Variants in LRRC4C observed in about 807,000 individuals in gnomAD.
LRRC4C encodes leucine rich repeat containing 4C.
LRRC4C carries 5 observed loss-of-function variants against 33.6 expected under a neutral mutation model. That is an observed-to-expected ratio of 0.15 (90% CI 0.08 to 0.31). LRRC4C has a LOEUF of 0.31. LRRC4C is among the 10% of genes least tolerant of loss of function. LRRC4C has a pLI of 1.00. For synonymous variants in LRRC4C, 329 were observed against 302.0 expected (o/e 1.09, Z -0.93); for missense variants, 560 against 796.7 (o/e 0.70, Z 3.58).
At chr11:40,320,321 C>G (rs776060085) in intron 3 of LRRC4C, among the ~76,000 whole-genome samples, 1 of 151,924 alleles carries the variant, frequency 6.6e-6, no homozygotes, top group East Asian at 1.9e-4. Flanking sequence ...CTGTCTAACA[C>G]GGTGAAACCC....
chr11:40,278,828 A>G (rs574456184), intron 4 of LRRC4C, among the ~76,000 whole-genome samples: 1 of 152,220 alleles, frequency 6.6e-6, no homozygotes, highest in African/African-American at 2.4e-5. Context: ...AATTCCTGTT[A>G]CCTCTCAATA....
intron 2 of LRRC4C, among the ~76,000 whole-genome samples, chr11:40,860,777 CTTTTTTTTTTTTTTTTTTTTTTT>C (rs60307580): frequency 3.0e-4 from 13 of 43,272 alleles, no homozygotes; most frequent in Non-Finnish European, 3.7e-4. Context: ...GGCTTAGGAT[CTTTTTTTTTTTTTTTTTTTTTTT>C]TTTTTTTTTT....
intron 1 of LRRC4C, among the ~76,000 whole-genome samples, chr11:41,260,032 A>G (rs570404294): frequency 6.6e-6 from 1 of 152,078 alleles, no homozygotes; most frequent in Admixed American, 6.6e-5. Flanking sequence ...CTACAGCTGT[A>G]TAACTTTGGA....
At chr11:41,278,262 A>T (rs541535647) in intron 1 of LRRC4C, among the ~76,000 whole-genome samples, 3 of 151,966 alleles carry the variant, frequency 2.0e-5, no homozygotes, top group African/African-American at 7.2e-5. Flanking sequence ...ATTCCACAAC[A>T]TGTATACAGT....
chr11:41,084,568 G>A (rs530103215), intron 1 of LRRC4C, among the ~76,000 whole-genome samples: 1 of 151,962 alleles, frequency 6.6e-6, no homozygotes, highest in Non-Finnish European at 1.5e-5. Flanking sequence ...TTAAAAATTG[G>A]CTGGGCACAG....
chr11:40,487,742 G>A (rs780220523), intron 3 of LRRC4C, among the ~76,000 whole-genome samples: 13 of 152,048 alleles, frequency 8.5e-5, no homozygotes. Context: ...TTATATAATC[G>A]TTAAACTGTA....
At position 40,310,707 on chromosome 11, in the gene LRRC4C, A is replaced by T. The variant is rs74357783; in HGVS notation, c.-176+8921T>A. Among the ~76,000 whole-genome samples, 481 of 152,308 alleles carry T rather than the reference A, an allele frequency of 3.2e-3. 1 individual carries two copies. The highest frequency in any genetic ancestry group is 5.9e-3 in the Non-Finnish European group (400 of 68,026). Reference sequence around the variant, plus strand: ...TCCATAAAGAATTCAGGGGTGACAGAAGTAATATGTTTTTTAAGTTTAAAA... The same window carrying T: ...TCCATAAAGAATTCAGGGGTGACAGTAGTAATATGTTTTTTAAGTTTAAAA... On this transcript the variant is annotated intron_variant, in intron 4 of 6. Transcript: ENST00000528697.
chr11:40,457,032 T>G (rs895812705), intron 3 of LRRC4C, among the ~76,000 whole-genome samples: 1 of 150,864 alleles, frequency 6.6e-6, no homozygotes, highest in Non-Finnish European at 1.5e-5. Context: ...CTCCTAAATC[T>G]AGTTAAAATG....
chr11:40,922,117 T>G (rs575934930), intron 2 of LRRC4C, among the ~76,000 whole-genome samples: 1 of 152,152 alleles, frequency 6.6e-6, no homozygotes, highest in Non-Finnish European at 1.5e-5. Flanking sequence ...GGTAGATATG[T>G]GTGATTCAGC....
intron 1 of LRRC4C, among the ~76,000 whole-genome samples, chr11:41,345,902 A>G (rs1273469311): frequency 6.6e-6 from 1 of 152,222 alleles, no homozygotes; most frequent in African/African-American, 2.4e-5. Context: ...TACATGTTTA[A>G]ATAAAAACAT....
At chr11:41,035,650 T>C (rs905651147) in intron 1 of LRRC4C, among the ~76,000 whole-genome samples, 4 of 152,062 alleles carry the variant, frequency 2.6e-5, no homozygotes, top group Non-Finnish European at 5.9e-5. Flanking sequence ...CTCACACACA[T>C]ATATAGACCA....
chr11:41,025,017 A>G (rs1466186376), intron 1 of LRRC4C, among the ~76,000 whole-genome samples: 1 of 151,582 alleles, frequency 6.6e-6, no homozygotes, highest in Admixed American at 6.6e-5. Flanking sequence ...AAGCCCTTAT[A>G]AGACAGCATA....
intron 3 of LRRC4C, among the ~76,000 whole-genome samples, chr11:40,502,431 C>T (rs944280502): frequency 4.6e-5 from 7 of 152,092 alleles, no homozygotes; most frequent in Admixed American, 3.9e-4. Flanking sequence ...TTAAAAGAGT[C>T]ACAGTTCCAT....
chr11:40,868,639 G>C (rs1954485760), intron 2 of LRRC4C, among the ~76,000 whole-genome samples: 1 of 152,140 alleles, frequency 6.6e-6, no homozygotes, highest in Admixed American at 6.6e-5. Flanking sequence ...GTTTGAAGCA[G>C]AGCCACTTCC....
chr11:40,724,486 A>G (rs1042135945), intron 2 of LRRC4C, among the ~76,000 whole-genome samples: 1 of 152,196 alleles, frequency 6.6e-6, no homozygotes, highest in Non-Finnish European at 1.5e-5. Context: ...TGAAATCTAA[A>G]CATCTTGCTC....
intron 2 of LRRC4C, among the ~76,000 whole-genome samples, chr11:40,840,705 T>A (rs1952872578): frequency 1.3e-5 from 2 of 152,192 alleles, no homozygotes; most frequent in Non-Finnish European, 2.9e-5. Context: ...GAGCTGTCCA[T>A]GTTTGACTTT....
At position 41,425,629 on chromosome 11, in the gene LRRC4C, A is replaced by T. The variant is rs150426277; in HGVS notation, c.-496+33802T>A. ...GTTTTGATGAAATAATTACAAATGA[A>T]TCAGAAGAAATAAATTACCCTTGAA... On this transcript the variant is annotated intron_variant, in intron 1 of 6. Coordinates refer to ENST00000528697, the MANE Select transcript of LRRC4C (RefSeq NM_001258419.2). 5.7e-3 allele frequency among the ~76,000 whole-genome samples: 866 copies of T among 152,298 alleles called. 11 individuals carry two copies. The highest frequency in any genetic ancestry group is 0.019 in the African/African-American group (794 of 41,574).
intron 1 of LRRC4C, among the ~76,000 whole-genome samples, chr11:41,034,613 A>ATATATG (rs1755850162): frequency 3.1e-5 from 1 of 31,978 alleles, no homozygotes; most frequent in Non-Finnish European, 1.2e-4. Context: ...TGACGTATAT[A>ATATATG]TATATATATA....
At chr11:40,948,348 CTTTA>C (rs1958510219) in intron 1 of LRRC4C, among the ~76,000 whole-genome samples, 1 of 151,790 alleles carries the variant, frequency 6.6e-6, no homozygotes, top group South Asian at 2.1e-4. Flanking sequence ...CTTTGTTTTT[CTTTA>C]TTCATTCATC....
Sources: allele counts gnomAD v4.1 joint callset (sites outside exome capture counted in the v4.1 genomes callset), GRCh38; gene constraint gnomAD v4.1.1; transcripts MANE v1.5; gene names NCBI Gene and HGNC (gene_info 2026-07-23, HGNC 2026-07-21).